SHROOM2: variants seen among roughly 807,000 people sequenced by gnomAD.
The protein encoded by SHROOM2 is shroom family member 2.
In SHROOM2, 33 loss-of-function variants were observed where a neutral mutation model predicts 75.9. The observed-to-expected ratio is 0.43, with a 90% confidence interval of 0.33 to 0.58. SHROOM2 has a LOEUF of 0.58. SHROOM2 is among the 20% of genes least tolerant of loss of function. The pLI is 0.04. For missense variants in SHROOM2, 1,434 were observed against 1,461.2 expected (o/e 0.98, Z 0.30); for synonymous variants, 655 against 663.6 (o/e 0.99, Z 0.20).
At chrX:9,827,842 G>A (rs973024191) in intron 1 of SHROOM2, among the ~76,000 whole-genome samples, 1 of 110,886 alleles carries the variant, frequency 9.0e-6, no homozygotes, top group African/African-American at 3.3e-5. Context: ...TGCATTGTAT[G>A]GGGTACTAGC....
chrX:9,801,012 A>T (rs902977132), intron 1 of SHROOM2, among the ~76,000 whole-genome samples: 1 of 111,222 alleles, frequency 9.0e-6, no homozygotes, highest in East Asian at 2.8e-4. Flanking sequence ...ACGCTGCCAG[A>T]CATACCCGAG....
chrX:9,868,911 A>G (rs1241329458), intron 1 of SHROOM2, among the ~76,000 whole-genome samples: 1 of 103,240 alleles, frequency 9.7e-6, no homozygotes, highest in Non-Finnish European at 2.0e-5. Flanking sequence ...ACTATATATC[A>G]CTCTTATACT....
chrX:9,928,234 C>T (rs1399643621), intron 5 of SHROOM2, among the ~76,000 whole-genome samples: 2 of 112,298 alleles, frequency 1.8e-5, no homozygotes, highest in Non-Finnish European at 3.8e-5. Context: ...TGGAGCCTGC[C>T]GGCCCTCTCC....
chrX:9,812,290 A>G (rs996023218), intron 1 of SHROOM2, among the ~76,000 whole-genome samples: 4 of 111,849 alleles, frequency 3.6e-5, no homozygotes, highest in Non-Finnish European at 5.6e-5. Flanking sequence ...CAAGTGGCAG[A>G]GCAGCTTGCA....
At chrX:9,878,831 C>T (rs1002942717) in intron 2 of SHROOM2, among the ~76,000 whole-genome samples, 3 of 108,214 alleles carry the variant, frequency 2.8e-5, no homozygotes, top group Non-Finnish European at 5.7e-5. Context: ...CACTGGAGGA[C>T]GTCAGGTGAA....
At chrX:9,917,811 C>T (rs867669528) in intron 5 of SHROOM2, among the ~76,000 whole-genome samples, 7 of 112,252 alleles carry the variant, frequency 6.2e-5, no homozygotes, top group Admixed American at 9.4e-5. Flanking sequence ...GCGTGAGCCA[C>T]CACACCTGGC....
At chrX:9,904,381 A>G (rs6640552) in intron 5 of SHROOM2, among the ~76,000 whole-genome samples, 56,656 of 110,481 alleles carry the variant, frequency 0.51, 12,907 homozygotes, top group African/African-American at 0.88. Context: ...TTGCTGCCCC[A>G]TGGTTGGGTG....
rs772953201 is a variant in SHROOM2 at position 9,910,296 on chromosome X, A to G, written c.2891+12006A>G. On this transcript the variant is annotated intron_variant, in intron 5 of 9. Coordinates refer to ENST00000380913, the MANE Select transcript of SHROOM2 (RefSeq NM_001649.4). ...ATGTACCAATATTGATTCATTAACT[A>G]TGACAAACACACCCCATAGTAAGTC... Among the ~76,000 whole-genome samples, 9 of 111,937 alleles carry G rather than the reference A, an allele frequency of 8.0e-5. No individual in the cohort carries two copies. The South Asian group carries it at 3.4e-3, about 42-fold the overall frequency.
At chrX:9,819,648 A>G (rs2083841842) in intron 1 of SHROOM2, among the ~76,000 whole-genome samples, 1 of 111,446 alleles carries the variant, frequency 9.0e-6, no homozygotes, top group Non-Finnish European at 1.9e-5. Flanking sequence ...ATGTTTCCCC[A>G]ATACAGGTAC....
intron 2 of SHROOM2, among the ~76,000 whole-genome samples, 188 bp downstream of exon 2, chrX:9,873,991 A>G (rs1298195205): frequency 2.7e-5 from 3 of 111,988 alleles, no homozygotes; most frequent in Non-Finnish European, 5.6e-5. Context: ...TTTTATTACG[A>G]CGATTTTTAT....
chrX:9,895,360 C>G lies in SHROOM2; in HGVS notation c.1452C>G (p.Asp484Glu). The change falls in exon 4 of 10, where the codon GAC (aspartate) becomes GAG (glutamate). Residue 484 changes from aspartate (D) to glutamate (E), a missense_variant. Asp to Glu is a conservative substitution (Grantham distance 45). Transcript: ENST00000380913. ...WQGPRPCVQG[D>E]LQAAQLWAGC... ...GTCCCCGGCCCTGTGTGCAGGGAGACCTGCAAGCAGCACAGCTCTGGGCGG... is the reference window on the plus strand; with the variant it reads ...GTCCCCGGCCCTGTGTGCAGGGAGAGCTGCAAGCAGCACAGCTCTGGGCGG... The G allele has an allele frequency of 8.4e-7, 1 of 1,186,872 alleles. No individual in the cohort carries two copies. Among genetic ancestry groups the G allele is most frequent in the Non-Finnish European group, 1.1e-6 (1 of 883,446 alleles).
intron 1 of SHROOM2, among the ~76,000 whole-genome samples, chrX:9,840,689 A>T (rs2083974997): frequency 8.9e-6 from 1 of 112,122 alleles, no homozygotes; most frequent in South Asian, 3.7e-4. Flanking sequence ...AGTAGGGTAG[A>T]TGCTTCTAAT....
chrX:9,895,501 G>A lies in SHROOM2; in HGVS notation c.1593G>A (p.Glu531=), dbSNP rs769661469. The A allele has an allele frequency of 1.0e-5, 12 of 1,204,069 alleles. No individual in the cohort carries two copies. The African/African-American group carries it at 1.9e-4, about 19-fold the overall frequency. ...CTGAGGGTCCTCCGGATGCCCGCGAGACAGGACGGTGTTACCCGCTGGACA... is the reference window on the plus strand; with the variant it reads ...CTGAGGGTCCTCCGGATGCCCGCGAAACAGGACGGTGTTACCCGCTGGACA... ...PQPEGPPDAR[E]TGRCYPLDKG... is the part of the protein sequence containing the mutation. Residue 531 remains glutamate, a synonymous_variant, in exon 4 of 10, where the codon GAG becomes GAA. Transcript: ENST00000380913.
chrX:9,795,204 A>G (rs1052612357), intron 1 of SHROOM2, among the ~76,000 whole-genome samples: 2 of 109,244 alleles, frequency 1.8e-5, no homozygotes, highest in Non-Finnish European at 3.8e-5. Context: ...GCCACACTAC[A>G]GCCTTGAACT....
At position 9,937,611 on chromosome X, in the gene SHROOM2, G is replaced by C. The variant is rs1050128564; in HGVS notation, c.4065G>C (p.Glu1355Asp). The change falls in exon 7 of 10, where the codon GAG (glutamate) becomes GAC (aspartate). Residue 1355 changes from glutamate to aspartate, a missense_variant. By Grantham distance (45) the Glu-to-Asp change is conservative (BLOSUM62 2). Transcript: ENST00000380913. ...TGGAAGGCATCTTCCCCAAAGACGAGCACCTCCTGGAAGAAGCCCAGCAAC... is the reference window on the plus strand; with the variant it reads ...TGGAAGGCATCTTCCCCAAAGACGACCACCTCCTGGAAGAAGCCCAGCAAC... ...DLMEGIFPKD[E>D]HLLEEAQQRR... 2.5e-6 allele frequency: 3 copies of C among 1,210,947 alleles called. No homozygotes were observed. Among genetic ancestry groups the C allele is most frequent in the Non-Finnish European group, 3.4e-6 (3 of 895,119 alleles).
intron 1 of SHROOM2, among the ~76,000 whole-genome samples, chrX:9,870,053 T>C (rs1340590860): frequency 9.0e-6 from 1 of 111,239 alleles, no homozygotes; most frequent in Non-Finnish European, 1.9e-5. Context: ...CCCCCATCTC[T>C]ACAAAAAAAA....
chrX:9,918,595 T>A (rs776033541), intron 5 of SHROOM2, among the ~76,000 whole-genome samples: 21 of 112,089 alleles, frequency 1.9e-4, no homozygotes, highest in African/African-American at 5.2e-4. Flanking sequence ...GCTCAAGCAA[T>A]CTTCCCACCT....
At chrX:9,887,869 G>T (rs1167482866) in intron 2 of SHROOM2, among the ~76,000 whole-genome samples, 2 of 113,075 alleles carry the variant, frequency 1.8e-5, no homozygotes, top group Admixed American at 9.3e-5. Flanking sequence ...CTAAGGCAGT[G>T]CTCCAGCTGC....
chrX:9,814,580 C>T (rs2083808846), intron 1 of SHROOM2, among the ~76,000 whole-genome samples: 1 of 111,130 alleles, frequency 9.0e-6, no homozygotes, highest in Non-Finnish European at 1.9e-5. Flanking sequence ...ACATATTTTG[C>T]CTGGCAATTG....
Sources: gnomAD v4.1 joint callset for allele counts (sites outside exome capture counted in the v4.1 genomes callset) on GRCh38, gnomAD v4.1.1 for gene constraint, MANE v1.5 for transcripts, NCBI Gene and HGNC (gene_info 2026-07-23, HGNC 2026-07-21) for gene names.